PYDC5: variants seen among roughly 807,000 people sequenced by gnomAD.
PYDC5 encodes the protein pyrin domain containing 5, also known as pyrin domain-containing protein 5.
chr1:159,000,275 C>G, the PYDC5 span: 13 of 254,814 alleles, frequency 5.1e-5, no homozygotes, highest in African/African-American at 2.9e-4. Flanking sequence ...GTTATCCAGG[C>G]TGGTTAGCAA....
At chr1:159,002,097 A>G in the PYDC5 span, among the ~76,000 whole-genome samples, 2 of 152,226 alleles carry the variant, frequency 1.3e-5, no homozygotes, top group African/African-American at 4.8e-5. Context: ...GTAAATACAC[A>G]GTATGGTATG....
the PYDC5 span, among the ~76,000 whole-genome samples, chr1:159,001,717 G>A: frequency 1.3e-5 from 2 of 151,946 alleles, no homozygotes; most frequent in Admixed American, 6.6e-5. Context: ...CCTATTACGT[G>A]CTAACATTCA....
chr1:159,002,561 A>G, the PYDC5 span, among the ~76,000 whole-genome samples: 2 of 152,110 alleles, frequency 1.3e-5, no homozygotes, highest in Non-Finnish European at 2.9e-5. Context: ...CTATTACCTC[A>G]TACCATTTGT....
the PYDC5 span, among the ~76,000 whole-genome samples, chr1:159,002,175 G>A: frequency 2.0e-5 from 3 of 152,098 alleles, no homozygotes; most frequent in Non-Finnish European, 4.4e-5. Flanking sequence ...GGTGGCATGA[G>A]TTACCTGGAA....
the PYDC5 span, among the ~76,000 whole-genome samples, chr1:159,001,509 A>G: frequency 6.6e-6 from 1 of 152,262 alleles, no homozygotes. Context: ...GAAAGTATTT[A>G]TAAAGTATTT....
At chr1:159,002,670 C>A in the PYDC5 span, among the ~76,000 whole-genome samples, 1 of 152,148 alleles carries the variant, frequency 6.6e-6, no homozygotes, top group South Asian at 2.1e-4. Flanking sequence ...TCTTTAATGG[C>A]CAGCCTGCTG....
the PYDC5 span, among the ~76,000 whole-genome samples, chr1:159,001,679 ATCT>A: frequency 7.9e-5 from 12 of 152,298 alleles, no homozygotes; most frequent in African/African-American, 2.9e-4. Context: ...TTCCCTACTT[ATCT>A]ATAAGAATGC....
chr1:159,002,169 G>T, the PYDC5 span, among the ~76,000 whole-genome samples: 1 of 152,082 alleles, frequency 6.6e-6, no homozygotes, highest in Non-Finnish European at 1.5e-5. Flanking sequence ...AAATTAGGTG[G>T]CATGAGTTAC....
chr1:159,001,357 T>C, the PYDC5 span, among the ~76,000 whole-genome samples: 7 of 152,176 alleles, frequency 4.6e-5, no homozygotes, highest in Non-Finnish European at 1.0e-4. Context: ...AACTGTGACT[T>C]TTAGGGGAGG....
the PYDC5 span, among the ~76,000 whole-genome samples, chr1:159,001,265 A>C: frequency 6.6e-6 from 1 of 152,162 alleles, no homozygotes; most frequent in Non-Finnish European, 1.5e-5. Flanking sequence ...GTATTTAGTA[A>C]TTTTACTTTA....
the PYDC5 span, among the ~76,000 whole-genome samples, chr1:159,002,075 T>C: frequency 6.6e-6 from 1 of 152,214 alleles, no homozygotes; most frequent in Non-Finnish European, 1.5e-5. Flanking sequence ...TGATAATTCC[T>C]ATCTCCAGGT....
At chr1:159,002,623 T>A in the PYDC5 span, among the ~76,000 whole-genome samples, 1 of 152,278 alleles carries the variant, frequency 6.6e-6, no homozygotes, top group Non-Finnish European at 1.5e-5. Flanking sequence ...ATATTATATA[T>A]GACATTATAG....
the PYDC5 span, among the ~76,000 whole-genome samples, chr1:159,000,943 A>G: frequency 6.6e-6 from 1 of 152,224 alleles, no homozygotes; most frequent in East Asian, 1.9e-4. Context: ...GTAACCCATT[A>G]GAAGAAAACA....
At chr1:159,001,505 A>G in the PYDC5 span, among the ~76,000 whole-genome samples, 11 of 152,238 alleles carry the variant, frequency 7.2e-5, no homozygotes, top group Non-Finnish European at 1.3e-4. Context: ...AATTGAAAGT[A>G]TTTATAAAGT....
At chr1:159,000,007 A>G in the PYDC5 span, 6,320 of 153,750 alleles carry the variant, frequency 0.041, 353 homozygotes, top group East Asian at 0.26. Flanking sequence ...GAAAGGAAAG[A>G]CCAAGTCTTG....
At chr1:159,000,388 G>A in the PYDC5 span, 1 of 181,012 alleles carries the variant, frequency 5.5e-6, no homozygotes, top group African/African-American at 2.4e-5. Flanking sequence ...CATTCAAAAT[G>A]AAGCAAGGTG....
the PYDC5 span, chr1:158,999,980 A>T: frequency 6.6e-6 from 1 of 152,664 alleles, no homozygotes; most frequent in Admixed American, 6.5e-5. Context: ...ATCAACATGC[A>T]TTCCCAGAAA....
the PYDC5 span, among the ~76,000 whole-genome samples, chr1:159,000,795 G>A: frequency 6.6e-6 from 1 of 152,146 alleles, no homozygotes; most frequent in African/African-American, 2.4e-5. Context: ...GGGGCTTGAC[G>A]GGAAGTGCTT....
chr1:159,001,092 C>A, the PYDC5 span, among the ~76,000 whole-genome samples: 3 of 152,098 alleles, frequency 2.0e-5, no homozygotes, highest in African/African-American at 4.8e-5. Flanking sequence ...CATAATACTT[C>A]CAAATCCTGA....
Sources: allele counts gnomAD v4.1 joint callset (sites outside exome capture counted in the v4.1 genomes callset), GRCh38; gene constraint gnomAD v4.1.1; transcripts MANE v1.5; gene names NCBI Gene and HGNC (gene_info 2026-07-23, HGNC 2026-07-21).